GPALPP1: variants seen among roughly 807,000 people sequenced by gnomAD.
GPALPP1 encodes the protein GPALPP motifs containing 1, also known as GPALPP motifs-containing protein 1.
In GPALPP1, 30 loss-of-function variants were observed where a neutral mutation model predicts 38.9. The ratio of observed to expected loss-of-function variants is 0.77; its 90% CI spans 0.58 to 1.05. The LOEUF is 1.05. GPALPP1 is among the 50% of genes least tolerant of loss of function. The pLI is 0.00. For missense variants in GPALPP1, 384 were observed against 408.8 expected (o/e 0.94, Z 0.52); for synonymous variants, 120 against 139.2 (o/e 0.86, Z 0.97).
chr13:44,993,401 C>T (rs1333992526), intron 1 of GPALPP1, among the ~76,000 whole-genome samples: 1 of 151,950 alleles, frequency 6.6e-6, no homozygotes, highest in Non-Finnish European at 1.5e-5. Flanking sequence ...TTTGGGAGAC[C>T]GAGGCAGGTG....
intron 1 of GPALPP1, among the ~76,000 whole-genome samples, chr13:44,997,727 C>T (rs2137955975): frequency 1.3e-5 from 2 of 152,262 alleles, no homozygotes; most frequent in South Asian, 4.2e-4. Context: ...GAGAGGAGTG[C>T]TTACATCCCT....
At chr13:45,013,144 C>G (rs1173772900) in intron 4 of GPALPP1, among the ~76,000 whole-genome samples, 1 of 152,046 alleles carries the variant, frequency 6.6e-6, no homozygotes, top group Admixed American at 6.6e-5. Flanking sequence ...TAAGATCATC[C>G]CAGGCTTGAT....
At chr13:45,016,870 C>T (rs1874908917) in intron 6 of GPALPP1, among the ~76,000 whole-genome samples, 1 of 152,192 alleles carries the variant, frequency 6.6e-6, no homozygotes, top group Non-Finnish European at 1.5e-5. Context: ...GTCTCAAACT[C>T]CTGGGCTCAA....
intron 7 of GPALPP1, among the ~76,000 whole-genome samples, chr13:45,023,125 T>G (rs1200568294): frequency 6.6e-6 from 1 of 151,666 alleles, no homozygotes; most frequent in Non-Finnish European, 1.5e-5. Flanking sequence ...GTTAAATGAT[T>G]AAATGTGGTA....
chr13:45,004,431 C>T lies in GPALPP1; in HGVS notation c.215C>T (p.Thr72Ile), dbSNP rs146416511. ...QESEEDDSGP[T>I]ARKQRKNQDD... ...TCTGAAGAAGATGACAGTGGTCCAA[C>T]TGCAAGGTCAGTCATTTAATTAAAT... Residue 72 changes from threonine (T) to isoleucine (I), a missense_variant, in exon 2 of 8, where the codon ACT becomes ATT. Thr to Ile is a moderately conservative substitution (Grantham distance 89). Coordinates refer to ENST00000379151, the MANE Select transcript of GPALPP1 (RefSeq NM_018559.5). 118 of 1,608,172 alleles carry T rather than the reference C, an allele frequency of 7.3e-5. No homozygotes were observed. Among genetic ancestry groups the T allele is most frequent in the Admixed American group, 5.0e-5 (3 of 59,824 alleles).
At chr13:45,005,023 A>G (rs1873971413) in intron 2 of GPALPP1, 1 of 150,882 alleles carries the variant, frequency 6.6e-6, no homozygotes, top group South Asian at 2.1e-4. Flanking sequence ...TACATAAACC[A>G]TAGAATTTCT....
intron 7 of GPALPP1, among the ~76,000 whole-genome samples, chr13:45,021,858 C>A (rs1355359506): frequency 1.3e-5 from 2 of 152,078 alleles, no homozygotes; most frequent in South Asian, 2.1e-4. Flanking sequence ...ATAAGCTAAG[C>A]CTTTTTCCAA....
At position 45,020,375 on chromosome 13, in the gene GPALPP1, C is replaced by CATAT; in HGVS notation, c.754_757dup (p.Leu253TyrfsTer7). ...GTCATCCAGTAAGAAAGATGAAGAA[C>CATAT]ATATATTATCAGGAAGAGATAAGAG... On this transcript the variant is annotated frameshift_variant, in exon 7 of 8. Coordinates refer to ENST00000379151, the MANE Select transcript of GPALPP1 (RefSeq NM_018559.5). LOFTEE classifies it high-confidence loss of function. 1 of 1,547,552 alleles carries CATAT rather than the reference C, an allele frequency of 6.5e-7. No individual in the cohort carries two copies. The highest frequency in any genetic ancestry group is 8.9e-7 in the Non-Finnish European group (1 of 1,120,618).
At chr13:45,019,032 TACA>T (rs1875139521) in intron 6 of GPALPP1, among the ~76,000 whole-genome samples, 2 of 34,978 alleles carry the variant, frequency 5.7e-5, no homozygotes, top group Non-Finnish European at 2.3e-4. Context: ...TATAAATATA[TACA>T]TAGAAATATA....
At chr13:45,014,409 G>C (rs918838297) in intron 4 of GPALPP1, among the ~76,000 whole-genome samples, 2 of 152,028 alleles carry the variant, frequency 1.3e-5, no homozygotes, top group Non-Finnish European at 2.9e-5. Context: ...TGTATACATG[G>C]AAAAAATATA....
At chr13:44,994,217 CAAAAAAAAAAA>C (rs1165851530) in intron 1 of GPALPP1, among the ~76,000 whole-genome samples, 1 of 61,494 alleles carries the variant, frequency 1.6e-5, no homozygotes, top group Admixed American at 1.8e-4. Context: ...GACCCTGTCT[CAAAAAAAAAAA>C]AAAAAAAAAA....
rs1261393614 is a variant in GPALPP1 at position 45,029,246 on chromosome 13, T to C, written c.*1243T>C. On this transcript the variant is annotated 3_prime_UTR_variant, in exon 8 of 8. Coordinates refer to ENST00000379151, the MANE Select transcript of GPALPP1 (RefSeq NM_018559.5). The stretch of plus-strand genomic sequence containing the variant: ...TTCTTATTCTTACCTCAGGGGGATT[T>C]CCCTGTGCAATGAAGAAAAGTTGAA... The C allele has an allele frequency of 6.6e-6, 1 of 152,212 alleles. No individual in the cohort carries two copies. The highest frequency in any genetic ancestry group is 1.5e-5 in the Non-Finnish European group (1 of 68,040). 9.4% of individuals were successfully genotyped at this position (152,212 alleles called of 1,614,324 possible). A position where few individuals can be genotyped will look rare whatever the true frequency, so the allele number is the denominator to read the frequency against.
rs1356719540 is a variant in GPALPP1, at chr13:44,989,838, A to C, written c.88+96A>C. 16 of 909,826 alleles carry C rather than the reference A, an allele frequency of 1.8e-5. 1 individual carries two copies. Among genetic ancestry groups the C allele is most frequent in the Non-Finnish European group, 2.7e-5 (16 of 588,636 alleles). 56.4% of individuals were successfully genotyped at this position (909,826 alleles called of 1,614,324 possible). ...GAAAGTCGGAGGCCTAGGAGGGCGG[A>C]GGAGTGGGGAGTGGGCGCGGCCTGA... On this transcript the variant is annotated intron_variant, in intron 1 of 7. Coordinates refer to ENST00000379151, the MANE Select transcript of GPALPP1 (RefSeq NM_018559.5).
At chr13:45,007,886 T>C (rs953054261) in intron 3 of GPALPP1, among the ~76,000 whole-genome samples, 4 of 152,176 alleles carry the variant, frequency 2.6e-5, no homozygotes, top group Non-Finnish European at 5.9e-5. Flanking sequence ...TTATTTTTTA[T>C]TTTTATCTTT....
chr13:45,001,222 C>T (rs1456703163), intron 1 of GPALPP1, among the ~76,000 whole-genome samples: 1 of 152,174 alleles, frequency 6.6e-6, no homozygotes, highest in Non-Finnish European at 1.5e-5. Flanking sequence ...ACTTCTCCTT[C>T]CTCCTGCCAT....
chr13:44,994,396 G>A (rs1307072228), intron 1 of GPALPP1, among the ~76,000 whole-genome samples: 6 of 151,526 alleles, frequency 4.0e-5, no homozygotes, highest in Non-Finnish European at 7.4e-5. Context: ...CAGCCTCAAC[G>A]TGGAGAAACC....
At chr13:45,031,210 GCTT>G (rs1431810104), downstream of GPALPP1, 1 of 152,030 alleles carries the variant, frequency 6.6e-6, no homozygotes, top group Non-Finnish European at 1.5e-5. Context: ...AATTGAAAAA[GCTT>G]CTTGTGTACT....
intron 7 of GPALPP1, 92 bp from the exon 8 acceptor site, chr13:45,027,693 A>G: frequency 1.6e-6 from 1 of 630,210 alleles, no homozygotes; most frequent in East Asian, 2.7e-5. Flanking sequence ...CTTAATGTGC[A>G]CCATTACTAT....
In GPALPP1 at chr13:45,015,300, G is replaced by A. The variant is rs531364305; in HGVS notation, c.541-132G>A. 1,086 of 592,014 alleles carry A rather than the reference G, an allele frequency of 1.8e-3. 3 individuals carry two copies. Among genetic ancestry groups the A allele is most frequent in the Middle Eastern group, 0.012 (26 of 2,246 alleles). 36.7% of individuals were successfully genotyped at this position (592,014 alleles called of 1,614,324 possible). On this transcript the variant is annotated intron_variant, in intron 5 of 7. Coordinates refer to ENST00000379151, the MANE Select transcript of GPALPP1 (RefSeq NM_018559.5). The stretch of plus-strand genomic sequence containing the variant: ...GACAAATATATGTGACAAAAACATC[G>A]ATCCTTTATATTAGAGTTTGTTAAG...
Sources: allele counts gnomAD v4.1 joint callset (sites outside exome capture counted in the v4.1 genomes callset), GRCh38; gene constraint gnomAD v4.1.1; transcripts MANE v1.5; gene names NCBI Gene and HGNC (gene_info 2026-07-23, HGNC 2026-07-21).